LAMA3: variants seen among roughly 807,000 people sequenced by gnomAD.
LAMA3 encodes laminin subunit alpha 3.
LAMA3 carries 281 observed loss-of-function variants against 402.0 expected under a neutral mutation model. That is an observed-to-expected ratio of 0.70 (90% CI 0.63 to 0.77). LAMA3 has a LOEUF of 0.77. Among genes scored for constraint, LAMA3 ranks in the 30% least tolerant of loss-of-function variants. The pLI, the probability that LAMA3 is intolerant of heterozygous loss-of-function variation, is 0.00. For synonymous variants in LAMA3, 1,431 were observed against 1,558.4 expected (o/e 0.92, Z 1.93); for missense variants, 3,840 against 4,215.5 (o/e 0.91, Z 2.47).
In LAMA3 at chr18:23,737,590, C is replaced by T. The variant is rs571812802; in HGVS notation, c.448-10353C>T. ...AGAGTTCACCTGGGATGTGCCTTCT[C>T]ATCACAGTGAAAGTGACTTTGAGCT... On this transcript the variant is annotated intron_variant, in intron 2 of 74. Transcript: ENST00000313654. Among the ~76,000 whole-genome samples, 6 of 152,332 alleles carry T rather than the reference C, an allele frequency of 3.9e-5. No homozygotes were observed. In the South Asian group the frequency reaches 1.2e-3, roughly 32 times the overall value.
chr18:23,822,434 A>G, intron 20 of LAMA3, 59 bp downstream of exon 20: 1 of 1,551,328 alleles, frequency 6.4e-7, no homozygotes, highest in Non-Finnish European at 8.9e-7. Context: ...ATAGTGAAAC[A>G]CTTTCTCTGA....
At chr18:23,857,165 A>C (rs1047279684) in intron 32 of LAMA3, among the ~76,000 whole-genome samples, 11 of 152,144 alleles carry the variant, frequency 7.2e-5, no homozygotes, top group Non-Finnish European at 1.5e-5. Context: ...AGAACTTGCT[A>C]AGATGGTGTG....
intron 1 of LAMA3, 62 bp downstream of exon 1, chr18:23,690,039 C>A: frequency 1.6e-6 from 2 of 1,260,246 alleles, no homozygotes; most frequent in South Asian, 1.7e-5. Context: ...GGCCAGACAC[C>A]CGGAGAAGGG....
chr18:23,921,678 C>A, intron 62 of LAMA3, 93 bp downstream of exon 62: 2 of 1,245,870 alleles, frequency 1.6e-6, no homozygotes, highest in Non-Finnish European at 2.3e-6. Flanking sequence ...TTAATTCCAC[C>A]AACAAACAAA....
chr18:23,895,699 T>G (rs1445577002), intron 44 of LAMA3, among the ~76,000 whole-genome samples: 1 of 152,240 alleles, frequency 6.6e-6, no homozygotes. Context: ...CTTTCTCTTA[T>G]TTTGGCTAGA....
chr18:23,889,103 G>A (rs1479571794), intron 41 of LAMA3, among the ~76,000 whole-genome samples: 1 of 152,122 alleles, frequency 6.6e-6, no homozygotes, highest in Non-Finnish European at 1.5e-5. Flanking sequence ...CAGCACGGCA[G>A]CAATTAGTGC....
intron 10 of LAMA3, among the ~76,000 whole-genome samples, chr18:23,776,725 G>C (rs145156127): frequency 1.3e-5 from 2 of 152,174 alleles, no homozygotes; most frequent in East Asian, 3.9e-4. Flanking sequence ...CCAGGTAATT[G>C]CTTAAATTGC....
At chr18:23,914,896 A>G in intron 58 of LAMA3, 36 bp downstream of exon 58, 1 of 1,531,666 alleles carries the variant, frequency 6.5e-7, no homozygotes, top group Non-Finnish European at 9.0e-7. Context: ...ATTAAATATT[A>G]AAATTTTAAT....
At chr18:23,932,401 A>C in intron 66 of LAMA3, 110 bp downstream of exon 66, 1 of 1,161,182 alleles carries the variant, frequency 8.6e-7, no homozygotes, top group Non-Finnish European at 1.3e-6. Context: ...GCTGCACGAG[A>C]CCCGCATACC....
At chr18:23,929,690 C>T (rs1440601682) in intron 64 of LAMA3, among the ~76,000 whole-genome samples, 1 of 152,196 alleles carries the variant, frequency 6.6e-6, no homozygotes, top group Admixed American at 6.5e-5. Flanking sequence ...TGGTGGCTTG[C>T]TCACCAGTCC....
intron 32 of LAMA3, among the ~76,000 whole-genome samples, chr18:23,852,556 G>A (rs369499731): frequency 2.6e-5 from 4 of 152,238 alleles, no homozygotes. Flanking sequence ...TCCAGTTTGG[G>A]TGCTGTGCTT....
intron 2 of LAMA3, among the ~76,000 whole-genome samples, chr18:23,716,706 C>G (rs1252030848): frequency 1.3e-5 from 2 of 152,200 alleles, no homozygotes; most frequent in African/African-American, 4.8e-5. Flanking sequence ...TCATGGCATG[C>G]ATATGCATAA....
intron 55 of LAMA3, among the ~76,000 whole-genome samples, chr18:23,910,390 A>G (rs1217549815): frequency 1.3e-5 from 2 of 152,216 alleles, no homozygotes; most frequent in East Asian, 3.8e-4. Flanking sequence ...CCTGGCAAAT[A>G]GTAGGTACCG....
At chr18:23,825,553 G>C (rs2063365266) in intron 21 of LAMA3, among the ~76,000 whole-genome samples, 2 of 152,034 alleles carry the variant, frequency 1.3e-5, no homozygotes. Context: ...GATCTTACAA[G>C]GATAACATGA....
chr18:23,814,697 T>C (rs1598846596), intron 15 of LAMA3, among the ~76,000 whole-genome samples, 195 bp downstream of exon 15: 2 of 152,332 alleles, frequency 1.3e-5, no homozygotes, highest in East Asian at 3.8e-4. Context: ...GGGATTTCTA[T>C]CCTGTTTCTG....
intron 7 of LAMA3, among the ~76,000 whole-genome samples, chr18:23,762,587 CAA>C (rs749969696): frequency 7.3e-6 from 1 of 137,828 alleles, no homozygotes; most frequent in Non-Finnish European, 1.6e-5. Context: ...AGACTGTCAC[CAA>C]AAAAAAAAAA....
In LAMA3 at chr18:23,816,409, G is replaced by A. The variant is rs993032462; in HGVS notation, c.2069G>A (p.Gly690Glu). 1.9e-6 allele frequency: 3 copies of A among 1,613,876 alleles called. No homozygotes were observed. The highest frequency in any genetic ancestry group is 2.5e-6 in the Non-Finnish European group (3 of 1,179,962). Reference sequence around the variant, plus strand: ...TCAGGGTGTCAGTGTGACATTGGTGGGGCATTGTCCTCCATGTGCAGTGGG... The same window carrying A: ...TCAGGGTGTCAGTGTGACATTGGTGAGGCATTGTCCTCCATGTGCAGTGGG... ...GCQGCQCDIG[G>E]ALSSMCSGPS... The change falls in exon 18 of 75, where the codon GGG becomes GAG. Residue 690 changes from glycine to glutamate, a missense_variant. Coordinates refer to ENST00000313654, the MANE Select transcript of LAMA3 (RefSeq NM_198129.4).
chr18:23,864,839 G>A lies in LAMA3; in HGVS notation c.4639G>A (p.Gly1547Ser). 6.2e-7 allele frequency: 1 copy of A among 1,613,752 alleles called. No individual in the cohort carries two copies. The change falls in exon 36 of 75, where the codon GGC (glycine) becomes AGC (serine). Residue 1547 changes from glycine to serine, a missense_variant. By Grantham distance (56) the Gly-to-Ser change is moderately conservative. Coordinates refer to ENST00000313654, the MANE Select transcript of LAMA3 (RefSeq NM_198129.4). ...TYQAKSFGLP[G>S]DMVLLEKKPD... is the part of the protein sequence containing the mutation. The stretch of plus-strand genomic sequence containing the variant: ...CCAAGCCAAGTCCTTTGGCTTGCCT[G>A]GCGACATGGTTCTTCTGGAAAAGAA...
At chr18:23,904,441 T>TA (rs934031089) in intron 50 of LAMA3, 112 bp from the exon 51 acceptor site, 34,867 of 929,532 alleles carry the variant, frequency 0.038, no homozygotes, top group Middle Eastern at 0.042. Flanking sequence ...TTCCATTTCT[T>TA]AAAAAAAAAA....
Sources: gnomAD v4.1 joint callset for allele counts (sites outside exome capture counted in the v4.1 genomes callset) on GRCh38, gnomAD v4.1.1 for gene constraint, MANE v1.5 for transcripts, NCBI Gene and HGNC (gene_info 2026-07-23, HGNC 2026-07-21) for gene names.